Variants in CNST observed in about 807,000 individuals in gnomAD.
CNST encodes the protein consortin.
In CNST, 39 loss-of-function variants were observed where a neutral mutation model predicts 72.4. That is an observed-to-expected ratio of 0.54 (90% CI 0.42 to 0.70). The LOEUF (loss-of-function observed/expected upper bound fraction) is 0.70. CNST is among the 30% of genes least tolerant of loss of function. The probability of loss-of-function intolerance (pLI) is 0.00; values close to 1 mark genes in which losing one functional copy is unlikely to be tolerated. For synonymous variants in CNST, 332 were observed against 320.1 expected, an observed-to-expected ratio of 1.04 and a Z score of -0.40; for missense variants, 871 against 868.5, an observed-to-expected ratio of 1.00 and a Z score of -0.04.
chr1:246,610,383 T>TCAGGAAATCAGATGTTCTTCATC, intron 2 of CNST, among the ~76,000 whole-genome samples: 1 of 152,340 alleles, frequency 6.6e-6, no homozygotes, highest in East Asian at 1.9e-4. Context: ...CTGATTTCCT[T>TCAGGAAATCAGATGTTCTTCATC]TAGTTCTTCA....
At chr1:246,652,772 A>G (rs1265354758) in intron 9 of CNST, among the ~76,000 whole-genome samples, 6 of 138,812 alleles carry the variant, frequency 4.3e-5, no homozygotes, top group Non-Finnish European at 9.7e-5. Flanking sequence ...TGGGAGGCCA[A>G]GGCGGGCGGA....
chr1:246,653,237 C>T (rs758779537), intron 9 of CNST, among the ~76,000 whole-genome samples: 40 of 152,150 alleles, frequency 2.6e-4, no homozygotes, highest in Non-Finnish European at 4.7e-4. Context: ...GAGTTTTCTT[C>T]CCTGTTGCCT....
At chr1:246,648,984 T>A (rs1024059252) in intron 9 of CNST, among the ~76,000 whole-genome samples, 3 of 152,224 alleles carry the variant, frequency 2.0e-5, no homozygotes, top group African/African-American at 7.2e-5. Context: ...GCTATATTAC[T>A]AGCTCCCTTT....
At chr1:246,635,987 T>G (rs1360280728) in intron 6 of CNST, among the ~76,000 whole-genome samples, 1 of 145,954 alleles carries the variant, frequency 6.9e-6, no homozygotes, top group Non-Finnish European at 1.5e-5. Context: ...TAGCCGTGAG[T>G]AAGCCTGGGT....
Position 246,660,263 on chromosome 1 carries a change from C to G in CNST, c.1901C>G (p.Pro634Arg). The part of the protein sequence containing the change: ...KKRNDTVGDH[P>R]AQMQHKPSKR... ...AGGAATGATACTGTAGGAGATCATCCTGCCCAAATGCAACACAAACCATCT... is the reference window on the plus strand; with the variant it reads ...AGGAATGATACTGTAGGAGATCATCGTGCCCAAATGCAACACAAACCATCT... The change falls in exon 10 of 11, where the codon CCT (proline) becomes CGT (arginine). Residue 634 changes from proline to arginine, a missense_variant. Coordinates refer to ENST00000366513, the MANE Select transcript of CNST (RefSeq NM_152609.3). 6.2e-7 allele frequency: 1 copy of G among 1,613,704 alleles called. No individual in the cohort carries two copies. The highest frequency in any genetic ancestry group is 8.5e-7 in the Non-Finnish European group (1 of 1,179,644).
rs1035974914 is a variant in CNST at position 246,667,799 on chromosome 1, A to T, written c.*1894A>T. On this transcript the variant is annotated 3_prime_UTR_variant, in exon 11 of 11. Transcript: ENST00000366513. ...AATTTCTAGTTACAGAAATTTGGTG[A>T]TGCTTATTTTTGCCAATTTTATGTC... The T allele has an allele frequency of 1.3e-5, 2 of 152,190 alleles. No homozygotes were observed. The highest frequency in any genetic ancestry group is 1.5e-5 in the Non-Finnish European group (1 of 68,034). 9.4% of individuals were successfully genotyped at this position (152,190 alleles called of 1,614,324 possible).
At chr1:246,654,823 G>GT (rs10710289) in intron 9 of CNST, among the ~76,000 whole-genome samples, 2 of 150,580 alleles carry the variant, frequency 1.3e-5, no homozygotes, top group African/African-American at 2.4e-5. Context: ...GCTTATCTGT[G>GT]TTTTTTTTTT....
At chr1:246,644,482 C>T (rs915535198) in intron 8 of CNST, among the ~76,000 whole-genome samples, 2 of 151,982 alleles carry the variant, frequency 1.3e-5, no homozygotes, top group African/African-American at 4.8e-5. Flanking sequence ...TTAAATCTCA[C>T]TGTACTCAAA....
At chr1:246,617,715 A>C (rs556752277) in intron 2 of CNST, among the ~76,000 whole-genome samples, 2 of 152,342 alleles carry the variant, frequency 1.3e-5, no homozygotes, top group African/African-American at 2.4e-5. Flanking sequence ...ACAGTTTTCT[A>C]ATATGAGTTC....
chr1:246,636,248 C>T (rs1387906842), intron 6 of CNST, among the ~76,000 whole-genome samples: 2 of 152,126 alleles, frequency 1.3e-5, no homozygotes, highest in Non-Finnish European at 1.5e-5. Flanking sequence ...GGGCTTTCAC[C>T]TGCGGCACGA....
intron 10 of CNST, 152 bp from the exon 11 acceptor site, chr1:246,665,548 A>T: frequency 1.6e-6 from 1 of 638,604 alleles, no homozygotes. Flanking sequence ...GTCTTTGTAG[A>T]GTCATTAGCA....
At chr1:246,654,730 G>C (rs1666679287) in intron 9 of CNST, among the ~76,000 whole-genome samples, 2 of 151,974 alleles carry the variant, frequency 1.3e-5, no homozygotes. Context: ...ATCCTTTAAT[G>C]ATAGATTTGG....
intron 2 of CNST, among the ~76,000 whole-genome samples, chr1:246,598,468 C>T (rs1662036168): frequency 6.6e-6 from 1 of 152,036 alleles, no homozygotes. Context: ...AATGTACATT[C>T]CTAAAAATAT....
chr1:246,634,059 T>C (rs766862872), intron 5 of CNST, 49 bp downstream of exon 5: 1 of 1,131,906 alleles, frequency 8.8e-7, no homozygotes, highest in Non-Finnish European at 1.3e-6. Flanking sequence ...ATCCAACAAG[T>C]CACTATCTAC....
rs961593683 is a variant in CNST at position 246,667,162 on chromosome 1, T to C, written c.*1257T>C. The C allele has an allele frequency of 1.3e-5, 2 of 152,070 alleles. No homozygotes were observed. The highest frequency in any genetic ancestry group is 2.9e-5 in the Non-Finnish European group (2 of 68,014). The allele number at this position is 152,070 out of a possible 1,614,324, so 9.4% of individuals were successfully genotyped here. A position where few individuals can be genotyped will look rare whatever the true frequency, so the allele number is the denominator to read the frequency against. ...ACAAAGAAAAACCAAACATGAATTATAGTTTTTAACAAGTGATCTTTATTT... is the reference window on the plus strand; with the variant it reads ...ACAAAGAAAAACCAAACATGAATTACAGTTTTTAACAAGTGATCTTTATTT... On this transcript the variant is annotated 3_prime_UTR_variant, in exon 11 of 11. Coordinates refer to ENST00000366513, the MANE Select transcript of CNST (RefSeq NM_152609.3).
chr1:246,631,888 T>C lies in CNST; in HGVS notation c.586-6T>C. On this transcript the variant is annotated splice_polypyrimidine_tract_variant and splice_region_variant and intron_variant, in intron 3 of 10. Coordinates refer to ENST00000366513, the MANE Select transcript of CNST (RefSeq NM_152609.3). ...ATTTTCTCTGTGTTTTCTTTGTTTT[T>C]AACAGATAGCAGAATCCTATTTCCA... The C allele has an allele frequency of 6.5e-7, 1 of 1,535,238 alleles. No individual in the cohort carries two copies. Among genetic ancestry groups the C allele is most frequent in the East Asian group, 2.3e-5 (1 of 44,240 alleles).
intron 6 of CNST, 24 bp from the exon 7 acceptor site, chr1:246,641,724 CT>C (rs1665700805): frequency 7.9e-7 from 1 of 1,260,478 alleles, no homozygotes. Context: ...TTTTAAAATT[CT>C]TTTTTCTTTC....
At chr1:246,573,994 C>T (rs1660221231) in intron 1 of CNST, among the ~76,000 whole-genome samples, 1 of 152,194 alleles carries the variant, frequency 6.6e-6, no homozygotes, top group Non-Finnish European at 1.5e-5. Context: ...TAGAAGTACA[C>T]ATCTTTGCCT....
intron 2 of CNST, among the ~76,000 whole-genome samples, chr1:246,593,714 ATAAC>A (rs1195488486): frequency 6.6e-6 from 1 of 152,108 alleles, no homozygotes; most frequent in African/African-American, 2.4e-5. Context: ...AGTTTATTCT[ATAAC>A]TATCATTCAA....
Sources: gnomAD v4.1 joint callset for allele counts (sites outside exome capture counted in the v4.1 genomes callset) on GRCh38, gnomAD v4.1.1 for gene constraint, MANE v1.5 for transcripts, NCBI Gene and HGNC (gene_info 2026-07-23, HGNC 2026-07-21) for gene names.